TUBG1: variants seen among roughly 807,000 people sequenced by gnomAD.
TUBG1 encodes tubulin gamma 1.
In TUBG1, 22 loss-of-function variants were observed where a neutral mutation model predicts 53.3. That is an observed-to-expected ratio of 0.41 (90% CI 0.29 to 0.59). The LOEUF (loss-of-function observed/expected upper bound fraction) is 0.59, where lower values mean the gene tolerates loss of function less well. TUBG1 is among the 20% of genes least tolerant of loss of function. The pLI, the probability that TUBG1 is intolerant of heterozygous loss-of-function variation, is 0.26. For missense variants in TUBG1, 217 were observed against 598.9 expected, an observed-to-expected ratio of 0.36 and a Z score of 6.66; for synonymous variants, 198 against 236.7, an observed-to-expected ratio of 0.84 and a Z score of 1.50.
At chr17:42,613,554 G>C in intron 6 of TUBG1, 93 bp from the exon 7 acceptor site, 1 of 1,590,998 alleles carries the variant, frequency 6.3e-7, no homozygotes, top group Non-Finnish European at 8.6e-7. Flanking sequence ...TGGCCATGAA[G>C]CTCAAAGGAA....
At chr17:42,609,989 G>A in intron 1 of TUBG1, 119 bp from the exon 2 acceptor site, 2 of 1,364,808 alleles carry the variant, frequency 1.5e-6, no homozygotes, top group East Asian at 2.4e-5. Flanking sequence ...TCAGACACGG[G>A]AGAGTCCTGC....
At chr17:42,613,306 C>T (rs149640763) in intron 6 of TUBG1, among the ~76,000 whole-genome samples, 22 of 152,036 alleles carry the variant, frequency 1.4e-4, no homozygotes, top group East Asian at 3.9e-4. Flanking sequence ...AAAAATTAGT[C>T]GGGAGTGGTG....
chr17:42,613,080 C>T lies in TUBG1; in HGVS notation c.606+7C>T. Reference sequence around the variant, plus strand: ...GCAGAATGCAGACTGTGTGGTGAGTCCTGGATTCTACCTCTCCCAACTCTC... The same window carrying T: ...GCAGAATGCAGACTGTGTGGTGAGTTCTGGATTCTACCTCTCCCAACTCTC... On this transcript the variant is annotated splice_region_variant and intron_variant, in intron 6 of 10. Transcript: ENST00000251413. 1.2e-6 allele frequency: 2 copies of T among 1,613,696 alleles called. No homozygotes were observed. Among genetic ancestry groups the T allele is most frequent in the Non-Finnish European group, 1.7e-6 (2 of 1,179,782 alleles).
At position 42,613,526 on chromosome 17, in the gene TUBG1, C is replaced by T. The variant is rs1258213530; in HGVS notation, c.607-121C>T. On this transcript the variant is annotated intron_variant, in intron 6 of 10. Transcript: ENST00000251413. Reference sequence around the variant, plus strand: ...CTTTGCCCTAGGTCAGTGCAAATCTCTTTCCAGTGAGTCTTTCTGGCCATG... The same window carrying T: ...CTTTGCCCTAGGTCAGTGCAAATCTTTTTCCAGTGAGTCTTTCTGGCCATG... The T allele has an allele frequency of 2.0e-6, 3 of 1,490,178 alleles. No individual in the cohort carries two copies. In the Admixed American group the frequency reaches 5.3e-5, roughly 26 times the overall value. 92.3% of individuals were successfully genotyped at this position (1,490,178 alleles called of 1,614,324 possible).
chr17:42,612,069 G>A lies in TUBG1; in HGVS notation c.331-6G>A. 1.9e-6 allele frequency: 3 copies of A among 1,613,938 alleles called. No individual in the cohort carries two copies. Among genetic ancestry groups the A allele is most frequent in the South Asian group, 1.1e-5 (1 of 91,076 alleles). On this transcript the variant is annotated splice_region_variant and splice_polypyrimidine_tract_variant and intron_variant, in intron 3 of 10. Transcript: ENST00000251413. ...CCCACTCTGACCCTCCCCTATGTCT[G>A]TACAGGGAGAAAAGATCCATGAGGA...
At chr17:42,612,607 A>G in intron 5 of TUBG1, 101 bp downstream of exon 5, 1 of 1,146,690 alleles carries the variant, frequency 8.7e-7, no homozygotes, top group South Asian at 1.3e-5. Context: ...AACAGGAAAG[A>G]GTTCTTATAT....
At position 42,610,357 on chromosome 17, in the gene TUBG1, G is replaced by A; in HGVS notation, c.163-66G>A. 6.0e-6 allele frequency: 9 copies of A among 1,511,630 alleles called. No individual in the cohort carries two copies. The South Asian group carries it at 7.2e-5, about 12-fold the overall frequency. 93.6% of individuals were successfully genotyped at this position (1,511,630 alleles called of 1,614,324 possible). On this transcript the variant is annotated intron_variant, in intron 2 of 10. Coordinates refer to ENST00000251413, the MANE Select transcript of TUBG1 (RefSeq NM_001070.5). The stretch of plus-strand genomic sequence containing the variant: ...GGAGGGAGGGCCGGAGGGAGCCAGA[G>A]TTGGGAGGACTTCGGACTTGGGCCG...
intron 3 of TUBG1, among the ~76,000 whole-genome samples, 200 bp from the exon 4 acceptor site, chr17:42,611,875 G>A (rs1275213453): frequency 1.3e-5 from 2 of 152,114 alleles, no homozygotes; most frequent in Non-Finnish European, 2.9e-5. Flanking sequence ...TAGAGCTAAT[G>A]TATGAACCCA....
At chr17:42,612,400 T>C in intron 4 of TUBG1, 27 bp from the exon 5 acceptor site, 1 of 1,612,576 alleles carries the variant, frequency 6.2e-7, no homozygotes, top group Non-Finnish European at 8.5e-7. Flanking sequence ...TAGATACCTG[T>C]ACACTGACTG....
At chr17:42,611,971 A>G in intron 3 of TUBG1, 104 bp from the exon 4 acceptor site, 2 of 1,018,080 alleles carry the variant, frequency 2.0e-6, no homozygotes, top group South Asian at 2.7e-5. Context: ...TATGCTCCAT[A>G]AAAGGACTTC....
intron 4 of TUBG1, 70 bp from the exon 5 acceptor site, chr17:42,612,357 C>T (rs2052043032): frequency 6.4e-7 from 1 of 1,554,088 alleles, no homozygotes; most frequent in Admixed American, 1.8e-5. Flanking sequence ...TCCTAAAAAA[C>T]TATGAGATGG....
At chr17:42,612,333 C>T (rs1288647384) in intron 4 of TUBG1, 94 bp from the exon 5 acceptor site, 29 of 1,457,230 alleles carry the variant, frequency 2.0e-5, no homozygotes, top group East Asian at 1.8e-4. Context: ...AGCAAGGGCT[C>T]GGGAAAATGG....
Position 42,614,774 on chromosome 17 carries a change from G to A in TUBG1, c.1159-70G>A. 1.2e-6 allele frequency: 2 copies of A among 1,610,268 alleles called. No homozygotes were observed. The highest frequency in any genetic ancestry group is 1.7e-6 in the Non-Finnish European group (2 of 1,177,626). ...TTGCTGTGGGCATAGCCCAGCCTTG[G>A]TTCCCCAGCTTTCTGGGCCACGTTA... On this transcript the variant is annotated intron_variant, in intron 10 of 10. Coordinates refer to ENST00000251413, the MANE Select transcript of TUBG1 (RefSeq NM_001070.5). The surrounding 1 kb of genome is among the most constrained non-coding windows in gnomAD (Gnocchi z 5.1).
chr17:42,612,199 C>T (rs2143451890), intron 4 of TUBG1, 56 bp downstream of exon 4: 2 of 1,575,938 alleles, frequency 1.3e-6, no homozygotes, highest in South Asian at 2.2e-5. Context: ...TGGCAGCACC[C>T]TCTAGAAGCG....
chr17:42,611,927 G>T, intron 3 of TUBG1, 148 bp from the exon 4 acceptor site: 1 of 668,238 alleles, frequency 1.5e-6, no homozygotes, highest in Non-Finnish European at 2.6e-6. Context: ...CCACTGCACC[G>T]TACTGCCTCT....
intron 3 of TUBG1, chr17:42,610,884 A>C (rs565806916): frequency 5.0e-5 from 18 of 356,866 alleles, no homozygotes; most frequent in Non-Finnish European, 8.5e-5. Flanking sequence ...GAAAGCCATG[A>C]AACCAAAGGA....
chr17:42,609,956 G>T, intron 1 of TUBG1, 152 bp from the exon 2 acceptor site: 1 of 1,280,884 alleles, frequency 7.8e-7, no homozygotes. Flanking sequence ...CCCCTGCCCA[G>T]TCCCTGGCGT....
chr17:42,609,688 G>C lies in TUBG1; in HGVS notation c.-50G>C. ...CGTCTTGCGGCGAGCGGGCTGGCGT[G>C]CGGCGCCGTTGCGGGCGGGAGCGGC... On this transcript the variant is annotated 5_prime_UTR_variant, in exon 1 of 11. Transcript: ENST00000251413. 1 of 1,531,052 alleles carries C rather than the reference G, an allele frequency of 6.5e-7. No individual in the cohort carries two copies. The allele number at this position is 1,531,052 out of a possible 1,614,324, so 94.8% of individuals were successfully genotyped here.
chr17:42,612,231 C>T, intron 4 of TUBG1, 88 bp downstream of exon 4: 1 of 1,415,986 alleles, frequency 7.1e-7, no homozygotes, highest in Non-Finnish European at 1.0e-6. Context: ...ACAAGACCCA[C>T]TCATGTACCC....
Sources: allele counts gnomAD v4.1 joint callset (sites outside exome capture counted in the v4.1 genomes callset), GRCh38; gene constraint gnomAD v4.1.1; non-coding constraint Gnocchi (gnomAD v3.1); transcripts MANE v1.5; gene names NCBI Gene and HGNC (gene_info 2026-07-23, HGNC 2026-07-21).